Variants in TMTC2 observed in about 807,000 individuals in gnomAD.
TMTC2 encodes the protein protein O-mannosyl-transferase TMTC2.
Under a neutral mutation model 82.4 loss-of-function variants are expected in TMTC2, and 43 were observed. The ratio of observed to expected loss-of-function variants is 0.52; its 90% CI spans 0.41 to 0.67. The LOEUF (loss-of-function observed/expected upper bound fraction) is 0.67, where lower values mean the gene tolerates loss of function less well. TMTC2 is among the 30% of genes least tolerant of loss of function. TMTC2 has a pLI of 0.00. For missense variants in TMTC2, 919 were observed against 1,012.4 expected (o/e 0.91, Z 1.25); for synonymous variants, 408 against 381.9 (o/e 1.07, Z -0.80).
intron 11 of TMTC2, among the ~76,000 whole-genome samples, chr12:83,114,758 A>G (rs950319292): frequency 2.0e-5 from 3 of 152,058 alleles, no homozygotes; most frequent in Admixed American, 6.6e-5. Flanking sequence ...GCATCTGTTG[A>G]GTCTTTACCC....
At chr12:82,905,682 C>A (rs1211168713) in intron 3 of TMTC2, among the ~76,000 whole-genome samples, 4 of 152,136 alleles carry the variant, frequency 2.6e-5, no homozygotes, top group Non-Finnish European at 5.9e-5. Flanking sequence ...CCATGGCTCA[C>A]GCCTGTAATC....
chr12:82,822,960 TGATA>T (rs1313978963), intron 1 of TMTC2, among the ~76,000 whole-genome samples: 1 of 152,040 alleles, frequency 6.6e-6, no homozygotes, highest in African/African-American at 2.4e-5. Flanking sequence ...TGGGAGAAAA[TGATA>T]GATAAGATGA....
At chr12:82,879,879 A>T (rs1872743459) in intron 2 of TMTC2, among the ~76,000 whole-genome samples, 2 of 152,326 alleles carry the variant, frequency 1.3e-5, no homozygotes, top group African/African-American at 4.8e-5. Context: ...CCAAACTGAG[A>T]TATAATAATA....
chr12:82,716,070 A>C (rs565121901), intron 1 of TMTC2, among the ~76,000 whole-genome samples: 66 of 152,292 alleles, frequency 4.3e-4, no homozygotes, highest in Admixed American at 9.8e-4. Flanking sequence ...GTTTTGGAAA[A>C]CTTGGTGTCT....
intron 9 of TMTC2, among the ~76,000 whole-genome samples, chr12:83,042,959 C>A (rs562565699): frequency 6.6e-6 from 1 of 152,216 alleles, no homozygotes; most frequent in Non-Finnish European, 1.5e-5. Flanking sequence ...CCTTGTTCAC[C>A]AGCCACCTGT....
At chr12:82,955,944 C>T (rs1877590033) in intron 4 of TMTC2, among the ~76,000 whole-genome samples, 1 of 151,886 alleles carries the variant, frequency 6.6e-6, no homozygotes, top group East Asian at 1.9e-4. Context: ...AATTTCTCCC[C>T]CAAAAGGCAC....
At chr12:82,781,863 C>A (rs781756264) in intron 1 of TMTC2, among the ~76,000 whole-genome samples, 3 of 151,694 alleles carry the variant, frequency 2.0e-5, no homozygotes, top group South Asian at 4.2e-4. Flanking sequence ...GTTTAGTGAC[C>A]CTTGTCATCT....
At chr12:82,730,767 T>A (rs1874758223) in intron 1 of TMTC2, among the ~76,000 whole-genome samples, 1 of 152,220 alleles carries the variant, frequency 6.6e-6, no homozygotes, top group Admixed American at 6.5e-5. Context: ...TAACCTTACC[T>A]TATTGTGGGC....
intron 1 of TMTC2, among the ~76,000 whole-genome samples, chr12:82,769,162 T>C (rs1877147263): frequency 6.6e-6 from 1 of 151,562 alleles, no homozygotes; most frequent in African/African-American, 2.4e-5. Context: ...GCAATATTAC[T>C]TTAAGAGCAA....
At chr12:82,980,937 G>GT (rs1302809330) in intron 7 of TMTC2, among the ~76,000 whole-genome samples, 1 of 151,774 alleles carries the variant, frequency 6.6e-6, no homozygotes, top group African/African-American at 2.4e-5. Flanking sequence ...GGTTTTTGTT[G>GT]TTTTTGTTTC....
At chr12:83,031,569 C>CA (rs570501739) in intron 9 of TMTC2, among the ~76,000 whole-genome samples, 108 of 152,184 alleles carry the variant, frequency 7.1e-4, no homozygotes, top group African/African-American at 2.5e-3. Context: ...TTTTAGGGAG[C>CA]CAAAAAGCAT....
chr12:82,704,583 A>G (rs1873253267), intron 1 of TMTC2, among the ~76,000 whole-genome samples: 1 of 152,216 alleles, frequency 6.6e-6, no homozygotes, highest in Non-Finnish European at 1.5e-5. Context: ...AGTTGTATTG[A>G]AAACTGGAAT....
In TMTC2 at chr12:82,895,810, G is replaced by C; in HGVS notation, c.655-8G>C. The C allele has an allele frequency of 6.3e-7, 1 of 1,592,108 alleles. No homozygotes were observed. Among genetic ancestry groups the C allele is most frequent in the Non-Finnish European group, 8.6e-7 (1 of 1,169,466 alleles). ...TCTTAATTTTTCCCTTCTCTCTTTT[G>C]GTTTCAGAGGAAGAACTTGTCGCTT... On this transcript the variant is annotated splice_region_variant and splice_polypyrimidine_tract_variant and intron_variant, in intron 2 of 11. Coordinates refer to ENST00000321196, the MANE Select transcript of TMTC2 (RefSeq NM_152588.3).
chr12:83,016,331 T>C (rs1243415534), intron 8 of TMTC2, among the ~76,000 whole-genome samples: 3 of 152,216 alleles, frequency 2.0e-5, no homozygotes, highest in African/African-American at 7.2e-5. Flanking sequence ...TTTGCTTTGA[T>C]GCCTGGCCAA....
intron 8 of TMTC2, 61 bp from the exon 9 acceptor site, chr12:83,030,737 C>A: frequency 1.5e-6 from 2 of 1,307,824 alleles, no homozygotes; most frequent in South Asian, 1.2e-5. Flanking sequence ...CAGTTAGGCC[C>A]AGGCAGTGAA....
At chr12:82,826,897 T>C (rs1329245253) in intron 1 of TMTC2, among the ~76,000 whole-genome samples, 1 of 152,136 alleles carries the variant, frequency 6.6e-6, no homozygotes, top group Non-Finnish European at 1.5e-5. Flanking sequence ...TCTCTGAAAA[T>C]TTACTTATTA....
intron 1 of TMTC2, among the ~76,000 whole-genome samples, chr12:82,824,809 C>T (rs1472523588): frequency 6.6e-6 from 1 of 152,104 alleles, no homozygotes; most frequent in Non-Finnish European, 1.5e-5. Flanking sequence ...TATACATAGG[C>T]CTGGCACAGT....
chr12:82,792,407 ACT>A (rs1421338828), intron 1 of TMTC2, among the ~76,000 whole-genome samples: 1 of 151,616 alleles, frequency 6.6e-6, no homozygotes, highest in African/African-American at 2.4e-5. Context: ...TCCAGAGGAG[ACT>A]CTGTACCCAG....
At position 82,985,148 on chromosome 12, in the gene TMTC2, T is replaced by C. The variant is rs1295037048; in HGVS notation, c.1949-777T>C. Reference sequence around the variant, plus strand: ...ATCAGGGCTCACCGTAGCCTTGATCTCCCCGGCTCAGGTGATCCTCCTGCC... The same window carrying C: ...ATCAGGGCTCACCGTAGCCTTGATCCCCCCGGCTCAGGTGATCCTCCTGCC... On this transcript the variant is annotated intron_variant, in intron 7 of 11. Transcript: ENST00000321196. Among the ~76,000 whole-genome samples, 5 of 152,266 alleles carry C rather than the reference T, an allele frequency of 3.3e-5. No homozygotes were observed. The East Asian group carries it at 7.7e-4, about 24-fold the overall frequency.
Sources: gnomAD v4.1 joint callset for allele counts (sites outside exome capture counted in the v4.1 genomes callset) on GRCh38, gnomAD v4.1.1 for gene constraint, MANE v1.5 for transcripts, NCBI Gene and HGNC (gene_info 2026-07-23, HGNC 2026-07-21) for gene names.